The following KAZN variants were observed in gnomAD, a reference collection of about 807,000 sequenced individuals.
KAZN encodes the protein kazrin.
Under a neutral mutation model 87.4 loss-of-function variants are expected in KAZN, and 40 were observed. That is an observed-to-expected ratio of 0.46 (90% confidence interval 0.36 to 0.60). The LOEUF (loss-of-function observed/expected upper bound fraction) is 0.60. KAZN is among the 20% of genes least tolerant of loss of function. The pLI is 0.00. For synonymous variants in KAZN, 466 were observed against 458.3 expected (o/e 1.02, Z -0.22); for missense variants, 898 against 1,073.9 (o/e 0.84, Z 2.29).
intron 1 of KAZN, among the ~76,000 whole-genome samples, chr1:14,120,719 TGCTATCTCTG>T (rs1371313305): frequency 6.6e-6 from 1 of 152,176 alleles, no homozygotes; most frequent in East Asian, 1.9e-4. Context: ...AGTGGACATG[TGCTATCTCTG>T]GCTTCTGGTA....
intron 1 of KAZN, among the ~76,000 whole-genome samples, chr1:14,675,344 CA>C (rs1352563133): frequency 6.6e-6 from 1 of 152,244 alleles, no homozygotes; most frequent in Non-Finnish European, 1.5e-5. Context: ...AGAGGGCCCG[CA>C]GGGCAACCCT....
intron 2 of KAZN, among the ~76,000 whole-genome samples, chr1:14,427,233 C>G (rs1047467725): frequency 3.9e-5 from 6 of 152,144 alleles, no homozygotes; most frequent in Admixed American, 2.0e-4. Context: ...TGTCGGTACA[C>G]CCTTCACCTC....
intron 2 of KAZN, among the ~76,000 whole-genome samples, chr1:14,481,493 T>C (rs1226861989): frequency 2.0e-5 from 3 of 152,144 alleles, no homozygotes; most frequent in Admixed American, 6.5e-5. Context: ...TTCTATCTCC[T>C]GAACCTCAGA....
intron 2 of KAZN, among the ~76,000 whole-genome samples, chr1:14,191,940 C>T (rs987023125): frequency 3.9e-5 from 6 of 152,144 alleles, no homozygotes; most frequent in Admixed American, 6.5e-5. Context: ...GAGCCAATCT[C>T]CTCTCTCACC....
At chr1:14,682,164 C>G (rs1412727455) in intron 1 of KAZN, among the ~76,000 whole-genome samples, 1 of 152,146 alleles carries the variant, frequency 6.6e-6, no homozygotes, top group African/African-American at 2.4e-5. Context: ...CACCATTCTA[C>G]TCCCTTTCTC....
chr1:14,412,894 T>A (rs1347939278), intron 2 of KAZN, among the ~76,000 whole-genome samples: 1 of 150,552 alleles, frequency 6.6e-6, no homozygotes, highest in Non-Finnish European at 1.5e-5. Context: ...TGATATGGAC[T>A]CAGAAATAAA....
intron 1 of KAZN, among the ~76,000 whole-genome samples, chr1:14,718,970 A>C (rs1642951954): frequency 6.6e-6 from 1 of 152,102 alleles, no homozygotes. Context: ...TCAACTTCAC[A>C]GTCTGAGTTG....
In KAZN at chr1:14,530,288, C is replaced by A. The variant is rs116468921; in HGVS notation, c.250-68695C>A. 4.4e-3 allele frequency among the ~76,000 whole-genome samples: 669 copies of A among 152,324 alleles called. 5 individuals carry two copies. Among genetic ancestry groups the A allele is most frequent in the African/African-American group, 0.015 (621 of 41,574 alleles). On this transcript the variant is annotated intron_variant, in intron 2 of 16. Coordinates refer to the KAZN transcript ENST00000636203. The stretch of plus-strand genomic sequence containing the variant: ...CTGAGCTCACCCCAAAGAGCCCGCT[C>A]TAATCCAGGAGAGTCTGAGCCACCT...
chr1:14,987,462 C>T (rs146665198), intron 2 of KAZN, among the ~76,000 whole-genome samples: 1,556 of 152,084 alleles, frequency 0.01, 18 homozygotes, highest in African/African-American at 0.035. Flanking sequence ...CCACTGCACT[C>T]CAGCCTAGGT....
At chr1:14,139,927 A>ATGTGTGTG (rs541192220) in intron 1 of KAZN, among the ~76,000 whole-genome samples, 1 of 136,608 alleles carries the variant, frequency 7.3e-6, no homozygotes, top group Non-Finnish European at 1.5e-5. Context: ...TTTGAGGTAA[A>ATGTGTGTG]TGTGTGTGTG....
At chr1:13,998,545 G>A (rs1399639304) in intron 1 of KAZN, among the ~76,000 whole-genome samples, 2 of 151,230 alleles carry the variant, frequency 1.3e-5, no homozygotes, top group African/African-American at 4.9e-5. Flanking sequence ...CCAAGCAAAT[G>A]GAAAGCAAAA....
intron 1 of KAZN, among the ~76,000 whole-genome samples, chr1:14,879,864 AGTACATTTT>A (rs1395158463): frequency 1.3e-5 from 2 of 152,200 alleles, no homozygotes; most frequent in South Asian, 4.1e-4. Flanking sequence ...TACCATGTTA[AGTACATTTT>A]GTGCATTATC....
At chr1:13,956,238 T>C (rs1246927774) in intron 1 of KAZN, among the ~76,000 whole-genome samples, 1 of 152,196 alleles carries the variant, frequency 6.6e-6, no homozygotes, top group Non-Finnish European at 1.5e-5. Context: ...TCTTCCTTAC[T>C]TGGAATGTCA....
At chr1:13,921,842 A>G (rs1402942997) in intron 1 of KAZN, among the ~76,000 whole-genome samples, 1 of 152,092 alleles carries the variant, frequency 6.6e-6, no homozygotes, top group Admixed American at 6.6e-5. Flanking sequence ...TGTGTTAGCC[A>G]GGATGATCTC....
intron 2 of KAZN, among the ~76,000 whole-genome samples, chr1:14,482,205 A>T (rs1669122013): frequency 6.6e-6 from 1 of 152,174 alleles, no homozygotes; most frequent in African/African-American, 2.4e-5. Context: ...GCTAGCTGAT[A>T]CCCCAACCTA....
chr1:13,898,898 G>A (rs543139853), intron 1 of KAZN, among the ~76,000 whole-genome samples: 1 of 152,336 alleles, frequency 6.6e-6, no homozygotes, highest in Admixed American at 6.5e-5. Flanking sequence ...GAAGCCAATT[G>A]CCAAATTTAT....
chr1:14,556,765 A>G (rs1673906198), intron 2 of KAZN, among the ~76,000 whole-genome samples: 1 of 152,200 alleles, frequency 6.6e-6, no homozygotes, highest in African/African-American at 2.4e-5. Flanking sequence ...CTCCATCTCT[A>G]AGAAGAGGGA....
intron 4 of KAZN, among the ~76,000 whole-genome samples, chr1:15,046,125 T>C (rs1673468500): frequency 6.6e-6 from 1 of 152,028 alleles, no homozygotes; most frequent in Non-Finnish European, 1.5e-5. Context: ...CGGTGTAACC[T>C]TGTCTCTACT....
intron 2 of KAZN, among the ~76,000 whole-genome samples, chr1:14,190,792 A>G (rs1439662617): frequency 6.6e-6 from 1 of 152,170 alleles, no homozygotes; most frequent in Non-Finnish European, 1.5e-5. Flanking sequence ...TGAAGTGACA[A>G]TGTATGAGAA....
Sources: allele counts gnomAD v4.1 joint callset (sites outside exome capture counted in the v4.1 genomes callset), GRCh38; gene constraint gnomAD v4.1.1; transcripts MANE v1.5; gene names NCBI Gene and HGNC (gene_info 2026-07-23, HGNC 2026-07-21).